Variants in DPH6 observed in about 807,000 individuals in gnomAD.
DPH6 encodes diphthamine biosynthesis 6.
Under a neutral mutation model 38.2 loss-of-function variants are expected in DPH6, and 33 were observed. The ratio of observed to expected loss-of-function variants is 0.86; its 90% confidence interval spans 0.65 to 1.15. The LOEUF (loss-of-function observed/expected upper bound fraction) is 1.15. Among genes scored for constraint, DPH6 ranks in the 50% most tolerant of loss-of-function variants. The pLI is 0.00. For missense variants in DPH6, 325 were observed against 320.0 expected (o/e 1.02, Z -0.12); for synonymous variants, 108 against 103.0 (o/e 1.05, Z -0.30).
chr15:35,273,775 A>C (rs1354389783), intron 3 of DPH6, among the ~76,000 whole-genome samples: 17 of 152,214 alleles, frequency 1.1e-4, no homozygotes. Context: ...AAATGGAAAA[A>C]CATTCCATGC....
At chr15:35,297,783 C>A (rs1039108638) in intron 3 of DPH6, among the ~76,000 whole-genome samples, 4 of 152,082 alleles carry the variant, frequency 2.6e-5, no homozygotes, top group African/African-American at 9.7e-5. Context: ...GTCAATTTAA[C>A]CTGCTCCAGC....
intron 3 of DPH6, among the ~76,000 whole-genome samples, chr15:35,529,139 T>C (rs1211710614): frequency 6.6e-6 from 1 of 152,192 alleles, no homozygotes; most frequent in South Asian, 2.1e-4. Flanking sequence ...TTCAAGGATA[T>C]TGTATTAGTC....
chr15:35,298,855 G>C (rs1439346228), intron 3 of DPH6: 1 of 1,024,142 alleles, frequency 9.8e-7, no homozygotes, highest in Non-Finnish European at 1.6e-6. Flanking sequence ...CTGTGATCGA[G>C]GTCTTGAGTC....
At chr15:35,491,873 T>C (rs888274255) in intron 3 of DPH6, among the ~76,000 whole-genome samples, 7 of 151,262 alleles carry the variant, frequency 4.6e-5, no homozygotes, top group Non-Finnish European at 1.0e-4. Context: ...TGTGTGTGTA[T>C]ATATATACAC....
chr15:35,362,364 A>C (rs1566880858), intron 3 of DPH6, among the ~76,000 whole-genome samples: 1 of 152,150 alleles, frequency 6.6e-6, no homozygotes, highest in Non-Finnish European at 1.5e-5. Context: ...CAGCACTCCA[A>C]GTCAGGAGAG....
intron 6 of DPH6, among the ~76,000 whole-genome samples, chr15:35,391,380 G>T (rs1442774566): frequency 1.3e-5 from 2 of 152,176 alleles, no homozygotes; most frequent in Non-Finnish European, 2.9e-5. Flanking sequence ...GTCAGACAGG[G>T]ACATTTAAGT....
At chr15:35,211,108 T>C in the DPH6 span, among the ~76,000 whole-genome samples, 1 of 152,012 alleles carries the variant, frequency 6.6e-6, no homozygotes, top group Non-Finnish European at 1.5e-5. Context: ...TTTACTCTTT[T>C]CTGGTTTTCA....
At chr15:35,384,984 A>G (rs1172313832) in intron 6 of DPH6, among the ~76,000 whole-genome samples, 2 of 152,260 alleles carry the variant, frequency 1.3e-5, no homozygotes, top group Non-Finnish European at 2.9e-5. Flanking sequence ...TCTCAAAAGA[A>G]GACATTTATG....
chr15:35,500,506 T>C (rs925948388), intron 3 of DPH6, among the ~76,000 whole-genome samples: 2 of 152,180 alleles, frequency 1.3e-5, no homozygotes, highest in African/African-American at 2.4e-5. Context: ...AGAATCCTTT[T>C]TGTGATTTGA....
At chr15:35,383,655 T>C (rs1047144946) in intron 6 of DPH6, among the ~76,000 whole-genome samples, 13 of 152,154 alleles carry the variant, frequency 8.5e-5, no homozygotes, top group African/African-American at 2.4e-4. Flanking sequence ...AGTCAAGAAA[T>C]TGGGATAAAG....
chr15:35,417,534 T>C (rs1317106281), intron 5 of DPH6, among the ~76,000 whole-genome samples: 1 of 152,052 alleles, frequency 6.6e-6, no homozygotes, highest in Non-Finnish European at 1.5e-5. Context: ...AGTCAATGTC[T>C]GAGTTAAATT....
intron 3 of DPH6, chr15:35,298,448 T>G: frequency 1.3e-6 from 1 of 755,462 alleles, no homozygotes; most frequent in Non-Finnish European, 2.5e-6. Context: ...TTCCCCAACT[T>G]TGAGATATTT....
intron 3 of DPH6, among the ~76,000 whole-genome samples, chr15:35,354,880 T>C (rs1453635617): frequency 6.6e-6 from 1 of 152,146 alleles, no homozygotes; most frequent in Non-Finnish European, 1.5e-5. Context: ...ATATTGACAG[T>C]GAGGTGTTAA....
chr15:35,439,914 C>T (rs1595564476), intron 5 of DPH6, among the ~76,000 whole-genome samples: 1 of 152,132 alleles, frequency 6.6e-6, no homozygotes, highest in Non-Finnish European at 1.5e-5. Context: ...AAGTATGAGA[C>T]TAAAGTTATT....
At chr15:35,458,388 C>G (rs887569822) in intron 3 of DPH6, among the ~76,000 whole-genome samples, 2 of 152,144 alleles carry the variant, frequency 1.3e-5, no homozygotes, top group African/African-American at 4.8e-5. Flanking sequence ...TTTTCCAGCA[C>G]AGTGAGACCT....
chr15:35,489,869 T>C, intron 3 of DPH6: 1 of 966,648 alleles, frequency 1.0e-6, no homozygotes, highest in South Asian at 4.8e-5. Flanking sequence ...GGATTATACA[T>C]TTTTTAATGT....
the DPH6 span, among the ~76,000 whole-genome samples, chr15:35,154,763 C>CTCATA: frequency 6.6e-6 from 1 of 152,106 alleles, no homozygotes; most frequent in East Asian, 1.9e-4. Flanking sequence ...GTTCCTTTTA[C>CTCATA]TCATAGTAGC....
At chr15:35,234,951 C>A (rs2051541416) in intron 3 of DPH6, among the ~76,000 whole-genome samples, 1 of 152,186 alleles carries the variant, frequency 6.6e-6, no homozygotes, top group Non-Finnish European at 1.5e-5. Flanking sequence ...CTGGATCAAG[C>A]TACATCTGAA....
chr15:35,260,156 T>C (rs2051736712), intron 3 of DPH6, among the ~76,000 whole-genome samples: 1 of 152,214 alleles, frequency 6.6e-6, no homozygotes, highest in Admixed American at 6.5e-5. Context: ...TCGCCCAGGC[T>C]GGAATGCAGT....
Sources: allele counts gnomAD v4.1 joint callset (sites outside exome capture counted in the v4.1 genomes callset), GRCh38; gene constraint gnomAD v4.1.1; transcripts MANE v1.5; gene names NCBI Gene and HGNC (gene_info 2026-07-23, HGNC 2026-07-21).